The following SNX29 variants were observed in gnomAD, a reference collection of about 807,000 sequenced individuals.
The protein encoded by SNX29 is sorting nexin 29, also known as sorting nexin-29.
A neutral mutation model predicts 102.1 loss-of-function variants in SNX29; 78 were observed. The ratio of observed to expected loss-of-function variants is 0.76; its 90% CI spans 0.64 to 0.92. SNX29 has a LOEUF of 0.92. Ranked by LOEUF, SNX29 falls within the 40% of genes least tolerant of loss-of-function variation. The probability of loss-of-function intolerance (pLI) is 0.00; values close to 1 mark genes in which losing one functional copy is unlikely to be tolerated. For synonymous variants in SNX29, 580 were observed against 414.5 expected (o/e 1.40, Z -4.85); for missense variants, 1,280 against 1,061.7 (o/e 1.21, Z -2.86).
chr16:12,464,739 G>A (rs1028150515), intron 18 of SNX29, among the ~76,000 whole-genome samples: 1 of 152,212 alleles, frequency 6.6e-6, no homozygotes, highest in Non-Finnish European at 1.5e-5. Flanking sequence ...ATAGGCCTGA[G>A]CCATCACACC....
intron 14 of SNX29, among the ~76,000 whole-genome samples, chr16:12,262,489 A>G (rs1032098990): frequency 3.3e-5 from 5 of 152,228 alleles, no homozygotes; most frequent in Admixed American, 1.3e-4. Flanking sequence ...ATTGGGATCA[A>G]TAAAAGGCTG....
chr16:12,310,435 A>G (rs1472905015), intron 15 of SNX29, among the ~76,000 whole-genome samples: 1 of 152,182 alleles, frequency 6.6e-6, no homozygotes, highest in East Asian at 1.9e-4. Flanking sequence ...CAGTGAAAAG[A>G]TACACAAGTT....
At chr16:12,221,219 G>C (rs756736742) in intron 14 of SNX29, among the ~76,000 whole-genome samples, 4 of 152,050 alleles carry the variant, frequency 2.6e-5, no homozygotes, top group Non-Finnish European at 5.9e-5. Context: ...AGCAGGCTGA[G>C]TGGGGAGGGG....
intron 13 of SNX29, among the ~76,000 whole-genome samples, chr16:12,183,792 G>C (rs1485201202): frequency 6.6e-6 from 1 of 152,170 alleles, no homozygotes; most frequent in African/African-American, 2.4e-5. Context: ...CTTGCTGATA[G>C]AACAGTTTGC....
chr16:12,492,041 A>T (rs2088576537), intron 19 of SNX29, among the ~76,000 whole-genome samples: 1 of 152,204 alleles, frequency 6.6e-6, no homozygotes, highest in African/African-American at 2.4e-5. Flanking sequence ...TTGGGTATAT[A>T]CCCAGTAATG....
rs2079227975 is a variant in SNX29, at chr16:12,573,396, T to TTCTA, written c.*4769_*4772dup. The TTCTA allele has an allele frequency of 4.5e-6, 1 of 223,842 alleles. No homozygotes were observed. Among genetic ancestry groups the TTCTA allele is most frequent in the African/African-American group, 2.2e-5 (1 of 44,820 alleles). The allele number at this position is 223,842 out of a possible 1,614,324, so 13.9% of individuals were successfully genotyped here. A position where few individuals can be genotyped will look rare whatever the true frequency, so the allele number is the denominator to read the frequency against. On this transcript the variant is annotated 3_prime_UTR_variant, in exon 21 of 21. Coordinates refer to ENST00000566228, the MANE Select transcript of SNX29 (RefSeq NM_032167.5). ...TTGCGTATCCTTCCTTATAGCTAGT[T>TTCTA]TCTATAGAGAAGTGAAAAAGAAATC...
intron 1 of SNX29, among the ~76,000 whole-genome samples, chr16:11,998,137 G>A (rs1023964934): frequency 3.3e-5 from 5 of 152,180 alleles, no homozygotes; most frequent in African/African-American, 1.2e-4. Context: ...CTACTCTCTG[G>A]TGCAGCCCAC....
chr16:12,530,371 C>G (rs575948456), intron 20 of SNX29, among the ~76,000 whole-genome samples: 3 of 152,174 alleles, frequency 2.0e-5, no homozygotes, highest in East Asian at 1.9e-4. Context: ...TGATGAAGTT[C>G]TAGTGTGGAA....
intron 14 of SNX29, among the ~76,000 whole-genome samples, chr16:12,241,378 C>G (rs1007052879): frequency 6.6e-6 from 1 of 152,030 alleles, no homozygotes; most frequent in Non-Finnish European, 1.5e-5. Flanking sequence ...TTGTCTTGAT[C>G]AGACAATGGC....
chr16:12,043,120 G>C (rs1206525848), intron 5 of SNX29, 43 bp downstream of exon 5: 1 of 1,605,378 alleles, frequency 6.2e-7, no homozygotes, highest in Non-Finnish European at 8.5e-7. Flanking sequence ...GGAGCAAGAG[G>C]TGAAGATCTT....
intron 14 of SNX29, among the ~76,000 whole-genome samples, chr16:12,216,399 A>G (rs1262488029): frequency 6.6e-6 from 1 of 152,110 alleles, no homozygotes; most frequent in Non-Finnish European, 1.5e-5. Context: ...GCAATAAATC[A>G]TTGGTAGGGA....
At chr16:12,506,678 A>G (rs1425253112) in intron 19 of SNX29, among the ~76,000 whole-genome samples, 2 of 152,212 alleles carry the variant, frequency 1.3e-5, no homozygotes, top group Non-Finnish European at 2.9e-5. Context: ...AATCGTGTTC[A>G]GCAAAGGCAG....
chr16:12,299,822 T>C (rs73506159), intron 15 of SNX29, among the ~76,000 whole-genome samples: 4,349 of 151,676 alleles, frequency 0.029, 206 homozygotes, highest in African/African-American at 0.1. Flanking sequence ...GATTTAATAT[T>C]TGTATCTTTT....
chr16:12,385,002 C>T (rs1348122226), intron 16 of SNX29, among the ~76,000 whole-genome samples: 7 of 152,184 alleles, frequency 4.6e-5, no homozygotes, highest in Non-Finnish European at 8.8e-5. Context: ...GAAACCCCAT[C>T]TCCACTAAAA....
intron 1 of SNX29, among the ~76,000 whole-genome samples, chr16:11,992,859 C>A (rs1265631988): frequency 6.6e-6 from 1 of 152,128 alleles, no homozygotes; most frequent in Non-Finnish European, 1.5e-5. Flanking sequence ...CAGCGAAATA[C>A]CACTATTTAA....
intron 1 of SNX29, among the ~76,000 whole-genome samples, chr16:11,980,263 T>A (rs2055385360): frequency 6.6e-6 from 1 of 152,176 alleles, no homozygotes; most frequent in Non-Finnish European, 1.5e-5. Context: ...AATCATACAG[T>A]ATGTGACCTC....
rs757961303 is a variant in SNX29 at position 12,052,218 on chromosome 16, G to A, written c.1120G>A (p.Glu374Lys). The A allele has an allele frequency of 4.0e-5, 65 of 1,613,698 alleles. No homozygotes were observed. Among genetic ancestry groups the A allele is most frequent in the Middle Eastern group, 1.6e-4 (1 of 6,078 alleles). Residue 374 changes from glutamate (E) to lysine (K), a missense_variant, in exon 8 of 21, where the codon GAG (glutamate) becomes AAG (lysine). Glu to Lys is a moderately conservative substitution (Grantham distance 56). Coordinates refer to ENST00000566228, the MANE Select transcript of SNX29 (RefSeq NM_032167.5). Reference sequence around the variant, plus strand: ...GCACAGGGGCCACTCGGAGTCGCCCGAGAAGTAAGTTTGTGTGTAAGGTGG... The same window carrying A: ...GCACAGGGGCCACTCGGAGTCGCCCAAGAAGTAAGTTTGTGTGTAAGGTGG... Reference protein sequence around the residue: ...RKHRGHSESPEKPLEGNTCLS... With the variant: ...RKHRGHSESPKKPLEGNTCLS...
intron 15 of SNX29, among the ~76,000 whole-genome samples, chr16:12,351,700 A>T (rs535790176): frequency 6.6e-6 from 1 of 151,826 alleles, no homozygotes; most frequent in South Asian, 2.1e-4. Flanking sequence ...CTTTCCTGAT[A>T]CTCCAGCTGG....
chr16:12,124,450 G>C (rs936593236), intron 11 of SNX29, among the ~76,000 whole-genome samples: 1 of 151,982 alleles, frequency 6.6e-6, no homozygotes. Flanking sequence ...TTTTTCTTGC[G>C]TGTGTGTTAG....
Sources: allele counts gnomAD v4.1 joint callset (sites outside exome capture counted in the v4.1 genomes callset), GRCh38; gene constraint gnomAD v4.1.1; transcripts MANE v1.5; gene names NCBI Gene and HGNC (gene_info 2026-07-23, HGNC 2026-07-21).